Variants in FKTN observed in about 807,000 individuals in gnomAD.
FKTN encodes ribitol-5-phosphate transferase FKTN.
A neutral mutation model predicts 58.6 loss-of-function variants in FKTN; 47 were observed. The ratio of observed to expected loss-of-function variants is 0.80; its 90% CI spans 0.63 to 1.02. The LOEUF (loss-of-function observed/expected upper bound fraction) is 1.02, where lower values mean the gene tolerates loss of function less well. FKTN is among the 50% of genes least tolerant of loss of function. The pLI, the probability that FKTN is intolerant of heterozygous loss-of-function variation, is 0.00. For synonymous variants in FKTN, 178 were observed against 191.9 expected (o/e 0.93, Z 0.60); for missense variants, 516 against 537.3 (o/e 0.96, Z 0.39).
chr9:105,565,103 G>C (rs78760766), intron 1 of FKTN, among the ~76,000 whole-genome samples: 2 of 152,184 alleles, frequency 1.3e-5, no homozygotes, highest in African/African-American at 4.8e-5. Context: ...AATGCTGAGA[G>C]ATTTTGTCAC....
rs923691861 is a variant in FKTN, at chr9:105,638,244, G to C, written c.*2980G>C. Reference sequence around the variant, plus strand: ...GTGCTTGAGATGCTTAACAGAGAAGGCATCCAGTGCTTCATTGAGGCTAAG... The same window carrying C: ...GTGCTTGAGATGCTTAACAGAGAAGCCATCCAGTGCTTCATTGAGGCTAAG... On this transcript the variant is annotated 3_prime_UTR_variant, in exon 11 of 11. Coordinates refer to ENST00000357998, the MANE Select transcript of FKTN (RefSeq NM_001079802.2). 3.9e-5 allele frequency: 38 copies of C among 985,226 alleles called. No individual in the cohort carries two copies. The highest frequency in any genetic ancestry group is 4.2e-5 in the Non-Finnish European group (35 of 829,882). The allele number at this position is 985,226 out of a possible 1,614,324, so 61.0% of individuals were successfully genotyped here. A position where few individuals can be genotyped will look rare whatever the true frequency, so the allele number is the denominator to read the frequency against.
intron 1 of FKTN, among the ~76,000 whole-genome samples, chr9:105,563,270 A>T (rs1589166693): frequency 1.3e-5 from 2 of 152,172 alleles, no homozygotes; most frequent in East Asian, 3.9e-4. Context: ...TGAGATACTG[A>T]GTTCATCTCA....
At position 105,607,938 on chromosome 9, in the gene FKTN, G is replaced by A. The variant is rs765860949; in HGVS notation, c.767G>A (p.Arg256Gln). Residue 256 changes from arginine to glutamine, a missense_variant, in exon 7 of 11, where the codon CGA becomes CAA. Physicochemically the swap from Arg to Gln is conservative, Grantham distance 43. Transcript: ENST00000357998. ...ATTGAGTGTAGGTATAAAGAAGCTC[G>A]AGCATTCTTTCAGGTTAGAGACAAC... ...RFIECRYKEA[R>Q]AFFQQYLDDN... 4.3e-6 allele frequency: 7 copies of A among 1,611,900 alleles called. No individual in the cohort carries two copies. The highest frequency in any genetic ancestry group is 3.3e-5 in the Admixed American group (2 of 59,968).
At chr9:105,568,346 T>A (rs915487062) in intron 1 of FKTN, among the ~76,000 whole-genome samples, 1 of 151,874 alleles carries the variant, frequency 6.6e-6, no homozygotes, top group Non-Finnish European at 1.5e-5. Flanking sequence ...ACCATCAGAG[T>A]GAACAGGCAA....
chr9:105,634,185 G>T (rs1588309848), intron 10 of FKTN, among the ~76,000 whole-genome samples: 1 of 151,920 alleles, frequency 6.6e-6, no homozygotes, highest in Non-Finnish European at 1.5e-5. Flanking sequence ...GGGCTGGAGT[G>T]CAGTGGCGTG....
At chr9:105,573,781 A>G (rs974118015) in intron 2 of FKTN, 35 bp downstream of exon 2, 2 of 152,232 alleles carry the variant, frequency 1.3e-5, no homozygotes, top group African/African-American at 4.8e-5. Flanking sequence ...CCCAATAAAA[A>G]GATTAAATTA....
intron 3 of FKTN, among the ~76,000 whole-genome samples, chr9:105,595,949 C>G (rs1358191536): frequency 2.6e-5 from 4 of 152,190 alleles, no homozygotes; most frequent in African/African-American, 9.6e-5. Flanking sequence ...TCTCCTCTTA[C>G]TCTAAAGTAT....
At chr9:105,611,535 G>T (rs1031341029) in intron 7 of FKTN, among the ~76,000 whole-genome samples, 1 of 151,996 alleles carries the variant, frequency 6.6e-6, no homozygotes, top group Non-Finnish European at 1.5e-5. Context: ...ATTGTGTGTT[G>T]TTCCCCTCTA....
chr9:105,585,092 A>T (rs183234290), intron 3 of FKTN, among the ~76,000 whole-genome samples: 81 of 151,956 alleles, frequency 5.3e-4, no homozygotes, highest in African/African-American at 1.8e-3. Flanking sequence ...TGTAAGGAAT[A>T]CAAGCAGTTT....
chr9:105,639,177 C>A lies in FKTN; in HGVS notation c.*3913C>A. On this transcript the variant is annotated 3_prime_UTR_variant, in exon 11 of 11. Transcript: ENST00000357998. ...ATTATTAGTTGTAATAGCTTTAATGCATGGAAAAACTTCAGTTACTGACCA... is the reference window on the plus strand; with the variant it reads ...ATTATTAGTTGTAATAGCTTTAATGAATGGAAAAACTTCAGTTACTGACCA... 2 of 985,226 alleles carry A rather than the reference C, an allele frequency of 2.0e-6. No homozygotes were observed. Among genetic ancestry groups the A allele is most frequent in the Non-Finnish European group, 2.4e-6 (2 of 829,752 alleles). The allele number at this position is 985,226 out of a possible 1,614,324, so 61.0% of individuals were successfully genotyped here. A position where few individuals can be genotyped will look rare whatever the true frequency, so the allele number is the denominator to read the frequency against.
At chr9:105,611,543 C>G (rs1307882737) in intron 7 of FKTN, among the ~76,000 whole-genome samples, 1 of 152,112 alleles carries the variant, frequency 6.6e-6, no homozygotes, top group Admixed American at 6.5e-5. Flanking sequence ...TTGTTCCCCT[C>G]TATGCGTCCA....
At chr9:105,563,990 T>A (rs1838860043) in intron 1 of FKTN, among the ~76,000 whole-genome samples, 1 of 152,230 alleles carries the variant, frequency 6.6e-6, no homozygotes, top group South Asian at 2.1e-4. Flanking sequence ...CATTTGCTGT[T>A]CAGCAATATT....
At position 105,604,403 on chromosome 9, in the gene FKTN, C is replaced by T. The variant is rs761342779; in HGVS notation, c.558C>T (p.His186=). The change falls in exon 6 of 11, where the codon CAC becomes CAT. Residue 186 remains histidine (H), a synonymous_variant. Transcript: ENST00000357998. ...FHERSGNYLW[H]GHLRLKEHID... is the part of the protein sequence containing the mutation. ...AGAGGAGTGGCAACTACCTCTGGCA[C>T]GGCCACTTGAGACTTAAAGAACACA... 17 of 1,613,656 alleles carry T rather than the reference C, an allele frequency of 1.1e-5. No homozygotes were observed. The highest frequency in any genetic ancestry group is 3.3e-4 in the Middle Eastern group (2 of 6,082).
intron 3 of FKTN, among the ~76,000 whole-genome samples, chr9:105,590,741 G>A (rs536728063): frequency 1.4e-4 from 21 of 152,298 alleles, no homozygotes; most frequent in African/African-American, 4.6e-4. Flanking sequence ...TTAAGTTTAA[G>A]GTGCTATGTT....
At chr9:105,561,514 C>T (rs1838303144) in intron 1 of FKTN, among the ~76,000 whole-genome samples, 1 of 152,208 alleles carries the variant, frequency 6.6e-6, no homozygotes, top group Non-Finnish European at 1.5e-5. Flanking sequence ...TTGCTGTCTT[C>T]ACCTTCCTTC....
chr9:105,581,823 C>T (rs1446664645), intron 3 of FKTN, among the ~76,000 whole-genome samples: 3 of 152,312 alleles, frequency 2.0e-5, no homozygotes, highest in East Asian at 1.9e-4. Flanking sequence ...AGCGAGATTC[C>T]GTGGGCGTAG....
At position 105,639,676 on chromosome 9, in the gene FKTN, T is replaced by A; in HGVS notation, c.*4412T>A. On this transcript the variant is annotated 3_prime_UTR_variant, in exon 11 of 11. Coordinates refer to ENST00000357998, the MANE Select transcript of FKTN (RefSeq NM_001079802.2). ...AATTGTATCAAGTCATTAATACAAT[T>A]ATACATTAATTATATTACATTAATA... 5.4e-6 allele frequency: 5 copies of A among 924,866 alleles called. No homozygotes were observed. The highest frequency in any genetic ancestry group is 3.9e-6 in the Non-Finnish European group (3 of 774,100). 57.3% of individuals were successfully genotyped at this position (924,866 alleles called of 1,614,324 possible). A position where few individuals can be genotyped will look rare whatever the true frequency, so the allele number is the denominator to read the frequency against.
rs188776750 is a variant in FKTN at position 105,614,098 on chromosome 9, C to A, written c.781-1180C>A. Among the ~76,000 whole-genome samples, 5 of 152,114 alleles carry A rather than the reference C, an allele frequency of 3.3e-5. No homozygotes were observed. In the East Asian group the frequency reaches 9.6e-4, roughly 29 times the overall value. ...GCAGATGAGGCTGGACCCCAGTAGT[C>A]AGGAACCAGAACACAGTGTTTATGT... On this transcript the variant is annotated intron_variant, in intron 7 of 10. Transcript: ENST00000357998.
chr9:105,563,598 T>TGGGG (rs145267923), intron 1 of FKTN, among the ~76,000 whole-genome samples: 1 of 139,334 alleles, frequency 7.2e-6, no homozygotes, highest in African/African-American at 2.6e-5. Context: ...GCAGCGAGGC[T>TGGGG]GGGGGGGGGG....
Sources: gnomAD v4.1 joint callset for allele counts (sites outside exome capture counted in the v4.1 genomes callset) on GRCh38, gnomAD v4.1.1 for gene constraint, MANE v1.5 for transcripts, NCBI Gene and HGNC (gene_info 2026-07-23, HGNC 2026-07-21) for gene names.